ING5: variants seen among roughly 807,000 people sequenced by gnomAD.
ING5 encodes the protein inhibitor of growth protein 5.
ING5 carries 17 observed loss-of-function variants against 37.4 expected under a neutral mutation model. That is an observed-to-expected ratio of 0.45 (90% confidence interval 0.31 to 0.68). ING5 has a LOEUF of 0.68. Among genes scored for constraint, ING5 ranks in the 30% least tolerant of loss-of-function variants. The pLI is 0.05. For missense variants in ING5, 233 were observed against 311.9 expected, an observed-to-expected ratio of 0.75 and a Z score of 1.91; for synonymous variants, 123 against 116.6, an observed-to-expected ratio of 1.06 and a Z score of -0.36.
chr2:241,690,298 T>C, exon 2 of ING5: 2 of 278,996 alleles, frequency 7.2e-6, no homozygotes, highest in Non-Finnish European at 1.3e-5. Context: ...GGATACCTTT[T>C]AGCACAGGTA....
At position 241,711,318 on chromosome 2, in the gene ING5, C is replaced by G. The variant is rs193298564; in HGVS notation, c.277-59C>G. 51 of 1,193,084 alleles carry G rather than the reference C, an allele frequency of 4.3e-5. No homozygotes were observed. The African/African-American group carries it at 7.7e-4, about 18-fold the overall frequency. The allele number at this position is 1,193,084 out of a possible 1,614,324, so 73.9% of individuals were successfully genotyped here. A position where few individuals can be genotyped will look rare whatever the true frequency, so the allele number is the denominator to read the frequency against. On this transcript the variant is annotated intron_variant, in intron 3 of 7. Transcript: ENST00000313552. Reference sequence around the variant, plus strand: ...TTCCTGGTGGATACTTTTGTACATTCGTGATTCTGAGGTGTTTTGGTTTTA... The same window carrying G: ...TTCCTGGTGGATACTTTTGTACATTGGTGATTCTGAGGTGTTTTGGTTTTA...
chr2:241,690,556 C>T (rs1011528557), exon 2 of ING5: 78 of 398,510 alleles, frequency 2.0e-4, no homozygotes, highest in African/African-American at 1.5e-3. Flanking sequence ...CAGTGTCCTT[C>T]GTACTGCCAC....
chr2:241,700,446 C>T (rs950329497), upstream of ING5, among the ~76,000 whole-genome samples: 8 of 151,292 alleles, frequency 5.3e-5, no homozygotes, highest in Non-Finnish European at 1.0e-4. Flanking sequence ...AGTGAGCCAC[C>T]GCGCCTGCCC....
At chr2:241,711,564 C>T in intron 4 of ING5, 76 bp downstream of exon 4, 1 of 1,074,860 alleles carries the variant, frequency 9.3e-7, no homozygotes, top group East Asian at 2.5e-5. Context: ...CACGGTAAAT[C>T]ATTAAAGTAT....
Position 241,727,691 on chromosome 2 carries a change from GATA to G in ING5, c.*2661_*2663del, listed in dbSNP as rs1691678900. ...CTCTTTTACCATTTTTGGGAAGAGG[GATA>G]GGTAAGTGCAGGGAGTTTGTGCTGA... On this transcript the variant is annotated 3_prime_UTR_variant, in exon 8 of 8. Transcript: ENST00000313552. 2.0e-5 allele frequency: 3 copies of G among 152,374 alleles called. No homozygotes were observed. Among genetic ancestry groups the G allele is most frequent in the Non-Finnish European group, 4.4e-5 (3 of 68,044 alleles). The allele number at this position is 152,374 out of a possible 1,614,324, so 9.4% of individuals were successfully genotyped here. A position where few individuals can be genotyped will look rare whatever the true frequency, so the allele number is the denominator to read the frequency against.
chr2:241,715,380 G>C (rs1040151553), intron 5 of ING5, among the ~76,000 whole-genome samples: 1 of 151,552 alleles, frequency 6.6e-6, no homozygotes, highest in African/African-American at 2.4e-5. Flanking sequence ...ATTTTTGGTA[G>C]AGATGGAGTT....
At chr2:241,704,759 G>C (rs1241225834) in intron 2 of ING5, 35 bp downstream of exon 2, 1 of 1,559,960 alleles carries the variant, frequency 6.4e-7, no homozygotes, top group East Asian at 2.2e-5. Flanking sequence ...CCAGAACTGA[G>C]TTCTGACAGG....
In ING5 at chr2:241,725,007, C is replaced by G; in HGVS notation, c.699C>G (p.Val233=). 6.2e-7 allele frequency: 1 copy of G among 1,614,072 alleles called. No individual in the cohort carries two copies. The highest frequency in any genetic ancestry group is 1.1e-5 in the South Asian group (1 of 91,078). Residue 233 remains valine, a synonymous_variant, in exon 8 of 8, where the codon GTC becomes GTG. Coordinates refer to ENST00000313552, the MANE Select transcript of ING5 (RefSeq NM_032329.6). ...PKGKWFCPRC[V]QEKRKKK ...GTCACAGGTTCTGTCCACGGTGTGTCCAGGAAAAGAGGAAGAAGAAGTAGG... is the reference window on the plus strand; with the variant it reads ...GTCACAGGTTCTGTCCACGGTGTGTGCAGGAAAAGAGGAAGAAGAAGTAGG...
intron 5 of ING5, chr2:241,721,279 C>A (rs2070428565): frequency 2.0e-5 from 20 of 985,448 alleles, no homozygotes; most frequent in Non-Finnish European, 2.3e-5. Context: ...GACCCGAAGA[C>A]TACTTGAGAC....
chr2:241,717,696 CTTTT>C lies in ING5; in HGVS notation c.483-5233_483-5230del, dbSNP rs371435124. 5.7e-3 allele frequency among the ~76,000 whole-genome samples: 769 copies of C among 134,528 alleles called. 3 individuals carry two copies. Among genetic ancestry groups the C allele is most frequent in the African/African-American group, 0.019 (724 of 38,060 alleles). 88.3% of individuals were successfully genotyped at this position (134,528 alleles called of 152,430 possible). A position where few individuals can be genotyped will look rare whatever the true frequency, so the allele number is the denominator to read the frequency against. ...TGATAATAATTATTTTTGGTGGTTTCTTTTTTTTTTTTTGCTTTTAAGATTTCTC... is the reference window on the plus strand; with the variant it reads ...TGATAATAATTATTTTTGGTGGTTTCTTTTTTTTTGCTTTTAAGATTTCTC... On this transcript the variant is annotated intron_variant, in intron 5 of 7. Coordinates refer to ENST00000313552, the MANE Select transcript of ING5 (RefSeq NM_032329.6).
intron 5 of ING5, among the ~76,000 whole-genome samples, chr2:241,719,115 T>C (rs1056377802): frequency 4.6e-5 from 7 of 152,182 alleles, no homozygotes; most frequent in African/African-American, 1.7e-4. Flanking sequence ...CTCTCTCGCC[T>C]CCTGCCCCAG....
chr2:241,708,709 C>A (rs1446110952), intron 2 of ING5, among the ~76,000 whole-genome samples: 3 of 152,106 alleles, frequency 2.0e-5, no homozygotes, highest in Non-Finnish European at 4.4e-5. Flanking sequence ...TCTGAAGGGA[C>A]CACAGCTTAT....
At chr2:241,714,566 G>T (rs1322799287) in intron 5 of ING5, among the ~76,000 whole-genome samples, 2 of 151,146 alleles carry the variant, frequency 1.3e-5, no homozygotes, top group Non-Finnish European at 2.9e-5. Context: ...CCTGATACTG[G>T]TAATTTATGT....
intron 5 of ING5, chr2:241,719,924 C>T (rs1229734051): frequency 6.1e-6 from 8 of 1,307,768 alleles, no homozygotes; most frequent in African/African-American, 6.0e-5. Context: ...CGGGGCCCTG[C>T]GGCTCTGGAT....
intron 2 of ING5, among the ~76,000 whole-genome samples, chr2:241,691,239 GACC>G (rs2069549582): frequency 2.0e-5 from 3 of 150,204 alleles, no homozygotes; most frequent in Non-Finnish European, 4.4e-5. Flanking sequence ...AGGAGTTCAA[GACC>G]AGCCTAGACA....
At chr2:241,724,400 G>C (rs1319016415) in intron 7 of ING5, among the ~76,000 whole-genome samples, 1 of 151,854 alleles carries the variant, frequency 6.6e-6, no homozygotes, top group Non-Finnish European at 1.5e-5. Context: ...GGGCAGGCTT[G>C]GGCCTGGGCC....
At chr2:241,716,419 A>G (rs1351030338) in intron 5 of ING5, among the ~76,000 whole-genome samples, 1 of 148,356 alleles carries the variant, frequency 6.7e-6, no homozygotes, top group Non-Finnish European at 1.5e-5. Context: ...CAGCCTCCGC[A>G]GTAGCTGGGA....
At position 241,722,261 on chromosome 2, in the gene ING5, C is replaced by T. The variant is rs1039351815; in HGVS notation, c.483-678C>T. The T allele has an allele frequency of 1.0e-5, 10 of 985,244 alleles. No homozygotes were observed. The Admixed American group carries it at 3.7e-4, about 36-fold the overall frequency. The allele number at this position is 985,244 out of a possible 1,614,324, so 61.0% of individuals were successfully genotyped here. ...GTCAGCCGTCTGCTGGCAGAGGTGA[C>T]GTGTGCTTGTTTCCAAAGGGGCCGG... On this transcript the variant is annotated intron_variant, in intron 5 of 7. Coordinates refer to ENST00000313552, the MANE Select transcript of ING5 (RefSeq NM_032329.6).
upstream of ING5, among the ~76,000 whole-genome samples, chr2:241,700,093 C>T (rs1002009200): frequency 2.6e-5 from 4 of 151,758 alleles, no homozygotes; most frequent in East Asian, 7.8e-4. Context: ...AGTGATTCTC[C>T]TTCCTCAGCC....
Sources: allele counts gnomAD v4.1 joint callset (sites outside exome capture counted in the v4.1 genomes callset), GRCh38; gene constraint gnomAD v4.1.1; transcripts MANE v1.5; gene names NCBI Gene and HGNC (gene_info 2026-07-23, HGNC 2026-07-21).